The following AGPAT4 variants were observed in gnomAD, a reference collection of about 807,000 sequenced individuals.
AGPAT4 encodes 1-acylglycerol-3-phosphate O-acyltransferase 4, also known as 1-acyl-sn-glycerol-3-phosphate acyltransferase delta.
AGPAT4 carries 15 observed loss-of-function variants against 48.0 expected under a neutral mutation model. The observed-to-expected ratio is 0.31, with a 90% CI of 0.21 to 0.48. The LOEUF (loss-of-function observed/expected upper bound fraction) is 0.48. AGPAT4 is among the 20% of genes least tolerant of loss of function. AGPAT4 has a pLI of 0.99. For synonymous variants in AGPAT4, 178 were observed against 198.7 expected (o/e 0.90, Z 0.88); for missense variants, 314 against 482.5 (o/e 0.65, Z 3.27).
At chr6:161,173,140 A>G (rs1780326277) in intron 2 of AGPAT4, among the ~76,000 whole-genome samples, 1 of 152,196 alleles carries the variant, frequency 6.6e-6, no homozygotes, top group Admixed American at 6.5e-5. Context: ...ATGATTTATA[A>G]TCCTTTGGGT....
At chr6:161,224,591 G>A (rs572854288) in intron 2 of AGPAT4, among the ~76,000 whole-genome samples, 1 of 144,950 alleles carries the variant, frequency 6.9e-6, no homozygotes, top group Admixed American at 7.1e-5. Flanking sequence ...GCAGTGAACC[G>A]AGATTGGCCA....
chr6:161,199,228 A>G (rs564690015), intron 2 of AGPAT4, among the ~76,000 whole-genome samples: 22 of 152,218 alleles, frequency 1.4e-4, no homozygotes, highest in Non-Finnish European at 3.1e-4. Flanking sequence ...GAATGTCGTC[A>G]GCAGGCATTT....
chr6:161,153,253 A>G, intron 5 of AGPAT4, 93 bp downstream of exon 5: 3 of 1,475,280 alleles, frequency 2.0e-6, no homozygotes, highest in South Asian at 1.3e-5. Flanking sequence ...TCAGCTGGGA[A>G]GTGCTGGCAG....
At chr6:161,167,481 C>T (rs1410785451) in intron 2 of AGPAT4, among the ~76,000 whole-genome samples, 1 of 152,226 alleles carries the variant, frequency 6.6e-6, no homozygotes, top group African/African-American at 2.4e-5. Flanking sequence ...ACCTCAGCCT[C>T]CTAAAGTGCT....
chr6:161,153,294 C>G lies in AGPAT4; in HGVS notation c.664+52G>C, dbSNP rs549392687. The stretch of plus-strand genomic sequence containing the variant: ...AAGCTCTGCCCATCCGGAGCTGGGG[C>G]TTGTCTTCCTCGCTGCCACGGGGAG... On this transcript the variant is annotated intron_variant, in intron 5 of 8. Coordinates refer to ENST00000320285, the MANE Select transcript of AGPAT4 (RefSeq NM_020133.3). 9.4e-4 allele frequency: 1,467 copies of G among 1,561,018 alleles called. 1 individual carries two copies. The highest frequency in any genetic ancestry group is 1.2e-3 in the Non-Finnish European group (1,383 of 1,149,746).
At chr6:161,187,903 A>C (rs1336441188) in intron 2 of AGPAT4, among the ~76,000 whole-genome samples, 1 of 152,230 alleles carries the variant, frequency 6.6e-6, no homozygotes, top group Non-Finnish European at 1.5e-5. Flanking sequence ...GGAATATTTA[A>C]AGCAAATTGT....
chr6:161,187,414 G>T (rs900809759), intron 2 of AGPAT4, among the ~76,000 whole-genome samples: 1 of 152,110 alleles, frequency 6.6e-6, no homozygotes, highest in African/African-American at 2.4e-5. Flanking sequence ...CAACAGTATG[G>T]GTGACAGCAG....
intron 1 of AGPAT4, among the ~76,000 whole-genome samples, chr6:161,269,443 G>T (rs1434116823): frequency 6.6e-5 from 10 of 152,202 alleles, no homozygotes; most frequent in Non-Finnish European, 1.5e-4. Flanking sequence ...AATGAAAGAA[G>T]TATCCTGTTT....
chr6:161,250,812 A>G (rs1782785638), intron 1 of AGPAT4, among the ~76,000 whole-genome samples: 1 of 152,206 alleles, frequency 6.6e-6, no homozygotes, highest in Non-Finnish European at 1.5e-5. Flanking sequence ...AAAACAATGA[A>G]AAGCAAAATT....
chr6:161,259,715 C>G lies in AGPAT4; in HGVS notation c.-90+14223G>C, dbSNP rs1040758450. Among the ~76,000 whole-genome samples the G allele has an allele frequency of 3.3e-5, 5 of 152,178 alleles. No homozygotes were observed. The highest frequency in any genetic ancestry group is 1.2e-4 in the African/African-American group (5 of 41,458). On this transcript the variant is annotated intron_variant, in intron 1 of 8. Coordinates refer to ENST00000320285, the MANE Select transcript of AGPAT4 (RefSeq NM_020133.3). This position sits in a 1 kb window ranked among gnomAD's most constrained non-coding sequence, Gnocchi z 4.9. ...CAGTTCACATGCCCAGGAGGACTCT[C>G]TGGCTGAGTGGCACCTTGAGCTTAC...
Position 161,144,261 on chromosome 6 carries a change from C to G in AGPAT4, c.843+2263G>C, listed in dbSNP as rs1779345810. 1 of 498,780 alleles carries G rather than the reference C, an allele frequency of 2.0e-6. No homozygotes were observed. Among genetic ancestry groups the G allele is most frequent in the Non-Finnish European group, 4.1e-6 (1 of 243,090 alleles). 30.9% of individuals were successfully genotyped at this position (498,780 alleles called of 1,614,324 possible). A position where few individuals can be genotyped will look rare whatever the true frequency, so the allele number is the denominator to read the frequency against. On this transcript the variant is annotated intron_variant, in intron 7 of 8. Transcript: ENST00000320285. The surrounding 1 kb of genome is among the most constrained non-coding windows in gnomAD (Gnocchi z 6.6). ...ACTGCTTAGAGAACTCGGTGTCGCCCCAGCCCTGCACGGAGAGAGAAAGGG... is the reference window on the plus strand; with the variant it reads ...ACTGCTTAGAGAACTCGGTGTCGCCGCAGCCCTGCACGGAGAGAGAAAGGG...
Position 161,267,807 on chromosome 6 carries a change from G to A in AGPAT4, c.-90+6131C>T, listed in dbSNP as rs761985004. Among the ~76,000 whole-genome samples, 7 of 152,172 alleles carry A rather than the reference G, an allele frequency of 4.6e-5. No individual in the cohort carries two copies. Among genetic ancestry groups the A allele is most frequent in the Non-Finnish European group, 7.3e-5 (5 of 68,028 alleles). On this transcript the variant is annotated intron_variant, in intron 1 of 8. Coordinates refer to ENST00000320285, the MANE Select transcript of AGPAT4 (RefSeq NM_020133.3). The surrounding 1 kb of genome is among the most constrained non-coding windows in gnomAD (Gnocchi z 5.2). ...GCTACTTGGGAAGCTGAAGCGGGAG[G>A]ATTGCTTGAGCCCAGGAATTCAAGG... is the stretch of plus-strand genomic sequence containing the variant.
Position 161,220,819 on chromosome 6 carries a change from T to C in AGPAT4, c.178+11217A>G, listed in dbSNP as rs1030832715. Among the ~76,000 whole-genome samples the C allele has an allele frequency of 6.6e-6, 1 of 152,204 alleles. No homozygotes were observed. Among genetic ancestry groups the C allele is most frequent in the Non-Finnish European group, 1.5e-5 (1 of 68,026 alleles). On this transcript the variant is annotated intron_variant, in intron 2 of 8. Transcript: ENST00000320285. This position sits in a 1 kb window ranked among gnomAD's most constrained non-coding sequence, Gnocchi z 6.0. ...TTATTTTTGAGACAGAGTCTCACTC[T>C]GTCACCCAGGCTGGAGTGCAGTGGT...
chr6:161,211,100 CAGTT>C (rs1781511643), intron 2 of AGPAT4, among the ~76,000 whole-genome samples: 1 of 152,182 alleles, frequency 6.6e-6, no homozygotes, highest in South Asian at 2.1e-4. Flanking sequence ...TTCACGGTCT[CAGTT>C]ATAATTTTCC....
At position 161,267,473 on chromosome 6, in the gene AGPAT4, G is replaced by A. The variant is rs900515973; in HGVS notation, c.-90+6465C>T. On this transcript the variant is annotated intron_variant, in intron 1 of 8. Transcript: ENST00000320285. This position sits in a 1 kb window ranked among gnomAD's most constrained non-coding sequence, Gnocchi z 5.2. Reference sequence around the variant, plus strand: ...TCACATCTGTAATCCTAGCACTTTGGGAGGCCACACTGGGCAGATTGCTTG... The same window carrying A: ...TCACATCTGTAATCCTAGCACTTTGAGAGGCCACACTGGGCAGATTGCTTG... Among the ~76,000 whole-genome samples, 2 of 152,092 alleles carry A rather than the reference G, an allele frequency of 1.3e-5. No individual in the cohort carries two copies. The highest frequency in any genetic ancestry group is 2.9e-5 in the Non-Finnish European group (2 of 68,012).
rs574882841 is a variant in AGPAT4 at position 161,166,583 on chromosome 6, G to A, written c.179-166C>T. Among the ~76,000 whole-genome samples, 1 of 152,278 alleles carries A rather than the reference G, an allele frequency of 6.6e-6. No individual in the cohort carries two copies. The highest frequency in any genetic ancestry group is 1.5e-5 in the Non-Finnish European group (1 of 68,028). ...TTGGTCCTTGAAAGGGTTCAGAAGC[G>A]GAAGGAAACACGAGAAAGACTTCAC... On this transcript the variant is annotated intron_variant, in intron 2 of 8. Coordinates refer to ENST00000320285, the MANE Select transcript of AGPAT4 (RefSeq NM_020133.3). The surrounding 1 kb of genome is among the most constrained non-coding windows in gnomAD (Gnocchi z 6.7).
chr6:161,237,095 C>T (rs536970907), intron 1 of AGPAT4, among the ~76,000 whole-genome samples: 8 of 152,212 alleles, frequency 5.3e-5, no homozygotes, highest in East Asian at 3.9e-4. Flanking sequence ...TCCAGAAGGC[C>T]GCATCTGACC....
Position 161,216,731 on chromosome 6 carries a change from G to A in AGPAT4, c.178+15305C>T, listed in dbSNP as rs867246033. ...GGCTCTTCTTAAGCAGCGACAGCAA[G>A]AGAAAATGAGAAAGAAGCAAAAGCG... On this transcript the variant is annotated intron_variant, in intron 2 of 8. Coordinates refer to ENST00000320285, the MANE Select transcript of AGPAT4 (RefSeq NM_020133.3). This position sits in a 1 kb window ranked among gnomAD's most constrained non-coding sequence, Gnocchi z 4.8. 6.6e-6 allele frequency among the ~76,000 whole-genome samples: 1 copy of A among 152,202 alleles called. No homozygotes were observed. The highest frequency in any genetic ancestry group is 1.5e-5 in the Non-Finnish European group (1 of 68,034).
In AGPAT4 at chr6:161,264,313, C is replaced by T. The variant is rs892851822; in HGVS notation, c.-90+9625G>A. Among the ~76,000 whole-genome samples the T allele has an allele frequency of 1.3e-5, 2 of 152,158 alleles. No individual in the cohort carries two copies. The highest frequency in any genetic ancestry group is 2.9e-5 in the Non-Finnish European group (2 of 68,032). On this transcript the variant is annotated intron_variant, in intron 1 of 8. Coordinates refer to ENST00000320285, the MANE Select transcript of AGPAT4 (RefSeq NM_020133.3). This position sits in a 1 kb window ranked among gnomAD's most constrained non-coding sequence, Gnocchi z 6.8. ...CCCAGAGCTGCAGGATGCTCAGCCT[C>T]TCTCTGCTTCCTGCCACGCCAGCCC...
Sources: allele counts gnomAD v4.1 joint callset (sites outside exome capture counted in the v4.1 genomes callset), GRCh38; gene constraint gnomAD v4.1.1; non-coding constraint Gnocchi (gnomAD v3.1); transcripts MANE v1.5; gene names NCBI Gene and HGNC (gene_info 2026-07-23, HGNC 2026-07-21).